COTL1: variants seen among roughly 807,000 people sequenced by gnomAD.
COTL1 encodes the protein coactosin like F-actin binding protein 1.
In COTL1, 15 loss-of-function variants were observed where a neutral mutation model predicts 16.5. That is an observed-to-expected ratio of 0.91 (90% CI 0.61 to 1.40). COTL1 has a LOEUF of 1.40. Ranked by LOEUF, COTL1 falls within the 40% of genes most tolerant of loss-of-function variation. The probability of loss-of-function intolerance (pLI) is 0.00; values close to 1 mark genes in which losing one functional copy is unlikely to be tolerated. For synonymous variants in COTL1, 112 were observed against 85.3 expected, an observed-to-expected ratio of 1.31 and a Z score of -1.73; for missense variants, 220 against 201.5, an observed-to-expected ratio of 1.09 and a Z score of -0.56.
intron 2 of COTL1, among the ~76,000 whole-genome samples, chr16:84,598,783 G>GGGAGAACCAAGCA (rs1371001962): frequency 4.4e-4 from 65 of 146,580 alleles, no homozygotes; most frequent in Admixed American, 2.9e-3. Flanking sequence ...GAGACCAAGC[G>GGGAGAACCAAGCA]GGAGAACCAA....
chr16:84,594,437 G>C (rs1248256254), intron 2 of COTL1: 2 of 152,328 alleles, frequency 1.3e-5, no homozygotes, highest in Admixed American at 6.5e-5. Flanking sequence ...TTGGAGTGTG[G>C]GGGAGCAGCG....
intron 3 of COTL1, among the ~76,000 whole-genome samples, chr16:84,583,090 A>C (rs1322721931): frequency 6.6e-5 from 10 of 152,222 alleles, no homozygotes; most frequent in African/African-American, 2.4e-4. Flanking sequence ...CTGGTGCCAG[A>C]AGCCTTGGGA....
At chr16:84,599,178 GC>G (rs372628535) in intron 2 of COTL1, among the ~76,000 whole-genome samples, 1 of 151,476 alleles carries the variant, frequency 6.6e-6, no homozygotes, top group African/African-American at 2.4e-5. Flanking sequence ...CACCAGGGCG[GC>G]CCCCACCCAG....
At chr16:84,607,415 AT>A (rs1905235949) in intron 2 of COTL1, among the ~76,000 whole-genome samples, 2 of 152,192 alleles carry the variant, frequency 1.3e-5, no homozygotes, top group Admixed American at 1.3e-4. Context: ...CAACTGCAGC[AT>A]CTCCAGCAAG....
chr16:84,591,344 T>C (rs563018097), intron 2 of COTL1, among the ~76,000 whole-genome samples: 72 of 151,524 alleles, frequency 4.8e-4, no homozygotes, highest in African/African-American at 1.7e-3. Context: ...CCACCACACC[T>C]GGCTAATTTT....
rs375003819 is a variant in COTL1 at position 84,572,139 on chromosome 16, G to A, written c.319-5184C>T. 4.6e-5 allele frequency among the ~76,000 whole-genome samples: 7 copies of A among 152,244 alleles called. No homozygotes were observed. In the East Asian group the frequency reaches 5.8e-4, roughly 13 times the overall value. Reference sequence around the variant, plus strand: ...GCACCACTGGGGAGTGGGCTTCATTGCATGTTTTCAAAACGAGGCAGAAGC... The same window carrying A: ...GCACCACTGGGGAGTGGGCTTCATTACATGTTTTCAAAACGAGGCAGAAGC... On this transcript the variant is annotated intron_variant, in intron 3 of 3. Transcript: ENST00000262428.
chr16:84,603,725 C>T (rs967305070), intron 2 of COTL1, among the ~76,000 whole-genome samples: 1 of 152,052 alleles, frequency 6.6e-6, no homozygotes, highest in African/African-American at 2.4e-5. Context: ...AAAAGGGCTG[C>T]TCAGGGCCTG....
At chr16:84,606,538 A>G (rs1043016024) in intron 2 of COTL1, among the ~76,000 whole-genome samples, 4 of 152,246 alleles carry the variant, frequency 2.6e-5, no homozygotes, top group South Asian at 2.1e-4. Context: ...ACATGTGGCT[A>G]TGATCTTAGG....
chr16:84,615,883 A>ATGTGTG (rs1419865347), intron 2 of COTL1: 19 of 82,534 alleles, frequency 2.3e-4, no homozygotes, highest in Non-Finnish European at 8.2e-5. Context: ...GTGTGCGCGC[A>ATGTGTG]CGCGGGTTCT....
At chr16:84,591,236 T>C (rs4783025) in intron 2 of COTL1, among the ~76,000 whole-genome samples, 16,543 of 150,584 alleles carry the variant, frequency 0.11, 1,073 homozygotes, top group East Asian at 0.26. Context: ...CAGGCTGAAG[T>C]GCAGTGGCGC....
intron 3 of COTL1, among the ~76,000 whole-genome samples, chr16:84,582,099 T>A (rs1448736648): frequency 6.6e-6 from 1 of 150,598 alleles, no homozygotes; most frequent in Non-Finnish European, 1.5e-5. Flanking sequence ...GCAATTCTCG[T>A]GCCTCAGCCT....
chr16:84,566,949 C>A lies in COTL1; in HGVS notation c.325G>T (p.Ala109Ser), dbSNP rs759753858. Residue 109 changes from alanine to serine, a missense_variant, in exon 4 of 4, where the codon GCT becomes TCT. Ala to Ser is a moderately conservative substitution (Grantham distance 99). Transcript: ENST00000262428. Reference sequence around the variant, plus strand: ...CGATCACTGATCACAAACTCCTTAGCGAAATTCTGCAAGAACAAAGGAAAA... The same window carrying A: ...CGATCACTGATCACAAACTCCTTAGAGAAATTCTGCAAGAACAAAGGAAAA... ...TLVKEVVQNF[A>S]KEFVISDRKE... 6.2e-7 allele frequency: 1 copy of A among 1,610,338 alleles called. No homozygotes were observed. The highest frequency in any genetic ancestry group is 8.5e-7 in the Non-Finnish European group (1 of 1,176,656).
intron 3 of COTL1, among the ~76,000 whole-genome samples, chr16:84,572,239 C>G (rs1452581960): frequency 6.6e-6 from 1 of 152,222 alleles, no homozygotes; most frequent in Non-Finnish European, 1.5e-5. Context: ...CTGCGTGGAG[C>G]AGCTGAAGTC....
At chr16:84,567,650 C>G (rs944362335) in intron 3 of COTL1, 1 of 152,328 alleles carries the variant, frequency 6.6e-6, no homozygotes, top group Non-Finnish European at 1.5e-5. Context: ...TCAACAAATA[C>G]CACGCCAGGC....
At position 84,590,153 on chromosome 16, in the gene COTL1, C is replaced by T. The variant is rs1334529372; in HGVS notation, c.270G>A (p.Gln90=). 6.2e-7 allele frequency: 1 copy of T among 1,614,180 alleles called. No homozygotes were observed. The highest frequency in any genetic ancestry group is 1.7e-5 in the Admixed American group (1 of 60,030). The stretch of plus-strand genomic sequence containing the variant: ...TCTTGTCCGTCCCGGTTTTGGCGCG[C>T]TGCAGCCCGCTGACGTTCTCACCGA... ...TWIGENVSGL[Q]RAKTGTDKTL... is the part of the protein sequence containing the mutation. The change falls in exon 3 of 4, where the codon CAG becomes CAA. Residue 90 remains glutamine (Q), a synonymous_variant. Coordinates refer to ENST00000262428, the MANE Select transcript of COTL1 (RefSeq NM_021149.5). This position sits in a 1 kb window ranked among gnomAD's most constrained non-coding sequence, Gnocchi z 5.5.
At chr16:84,599,430 T>G (rs1158056355) in intron 2 of COTL1, among the ~76,000 whole-genome samples, 1 of 152,110 alleles carries the variant, frequency 6.6e-6, no homozygotes, top group Non-Finnish European at 1.5e-5. Context: ...ATGAAGAAAT[T>G]AAGGATCCCC....
At chr16:84,606,699 G>C (rs1413332403) in intron 2 of COTL1, among the ~76,000 whole-genome samples, 2 of 152,190 alleles carry the variant, frequency 1.3e-5, no homozygotes, top group East Asian at 1.9e-4. Context: ...GCACAGCCTG[G>C]AGTGCAGAAA....
rs247860 is a variant in COTL1 at position 84,566,741 on chromosome 16, T to C, written c.*104A>G. On this transcript the variant is annotated 3_prime_UTR_variant, in exon 4 of 4. Transcript: ENST00000262428. ...GCGGGCGCTGCCTCTCATGGCTTCT[T>C]TTCTCCCTGGTGGGCTGGTGGGCTA... is the stretch of plus-strand genomic sequence containing the variant. 433,211 of 744,030 alleles carry C rather than the reference T, an allele frequency of 0.58. 133,176 individuals carry two copies. Among genetic ancestry groups the C allele is most frequent in the Non-Finnish European group, 0.67 (292,883 of 437,194 alleles). The allele number at this position is 744,030 out of a possible 1,614,324, so 46.1% of individuals were successfully genotyped here. A position where few individuals can be genotyped will look rare whatever the true frequency, so the allele number is the denominator to read the frequency against.
intron 2 of COTL1, among the ~76,000 whole-genome samples, chr16:84,606,527 C>T (rs1905213912): frequency 6.6e-6 from 1 of 152,228 alleles, no homozygotes; most frequent in Non-Finnish European, 1.5e-5. Context: ...TGCATAACTG[C>T]ACATGTGGCT....
Sources: gnomAD v4.1 joint callset for allele counts (sites outside exome capture counted in the v4.1 genomes callset) on GRCh38, gnomAD v4.1.1 for gene constraint, Gnocchi (gnomAD v3.1) non-coding constraint, MANE v1.5 for transcripts, NCBI Gene and HGNC (gene_info 2026-07-23, HGNC 2026-07-21) for gene names.